Variants in PHF21B observed in about 807,000 individuals in gnomAD.
PHF21B encodes the protein PHD finger protein 21B, also known as PHD finger protein 4.
PHF21B carries 22 observed loss-of-function variants against 62.2 expected under a neutral mutation model. The observed-to-expected ratio is 0.35, with a 90% CI of 0.25 to 0.51. PHF21B has a LOEUF of 0.51. PHF21B is among the 20% of genes least tolerant of loss of function. PHF21B has a pLI of 0.97. For missense variants in PHF21B, 701 were observed against 707.9 expected (o/e 0.99, Z 0.11); for synonymous variants, 341 against 314.7 (o/e 1.08, Z -0.88).
chr22:44,993,415 C>G (rs1403245888), intron 2 of PHF21B, among the ~76,000 whole-genome samples: 1 of 152,220 alleles, frequency 6.6e-6, no homozygotes. Context: ...TCCACCACAG[C>G]GGCACCGGCT....
intron 2 of PHF21B, among the ~76,000 whole-genome samples, chr22:44,942,995 ACC>A (rs136699): frequency 0.053 from 7,464 of 140,438 alleles, 359 homozygotes; most frequent in African/African-American, 0.12. Context: ...GCAGGGAGGG[ACC>A]CCCCCCCCCC....
At chr22:44,900,583 G>A (rs1436939468) in intron 5 of PHF21B, among the ~76,000 whole-genome samples, 1 of 152,226 alleles carries the variant, frequency 6.6e-6, no homozygotes, top group Non-Finnish European at 1.5e-5. Flanking sequence ...TTACAGGCGT[G>A]AGCCACTGCA....
intron 2 of PHF21B, among the ~76,000 whole-genome samples, chr22:45,007,910 A>AG (rs953020385): frequency 1.8e-4 from 27 of 148,558 alleles, no homozygotes; most frequent in East Asian, 1.2e-3. Context: ...GGGGGCCCGG[A>AG]GGGGGGGGAG....
intron 2 of PHF21B, among the ~76,000 whole-genome samples, chr22:44,950,487 C>T (rs563201199): frequency 2.0e-4 from 30 of 152,314 alleles, no homozygotes; most frequent in South Asian, 6.2e-4. Flanking sequence ...TTTAGCAATG[C>T]GGTTAGACAC....
At chr22:44,901,015 A>G (rs1006301712) in intron 5 of PHF21B, among the ~76,000 whole-genome samples, 2 of 152,248 alleles carry the variant, frequency 1.3e-5, no homozygotes, top group African/African-American at 4.8e-5. Flanking sequence ...CATACCATGA[A>G]AAGTGGGGTC....
At chr22:44,938,138 G>C (rs555659149) in intron 2 of PHF21B, among the ~76,000 whole-genome samples, 6 of 152,214 alleles carry the variant, frequency 3.9e-5, no homozygotes, top group Non-Finnish European at 8.8e-5. Context: ...GTAGTACCTC[G>C]ATCTCGGCTC....
chr22:44,954,455 A>T (rs2072254725), intron 2 of PHF21B, among the ~76,000 whole-genome samples: 1 of 152,180 alleles, frequency 6.6e-6, no homozygotes, highest in Non-Finnish European at 1.5e-5. Flanking sequence ...AGCTACAGTG[A>T]ATGAAGAAAC....
At chr22:44,926,633 ATG>A (rs1245758296) in intron 2 of PHF21B, among the ~76,000 whole-genome samples, 1 of 152,168 alleles carries the variant, frequency 6.6e-6, no homozygotes, top group African/African-American at 2.4e-5. Flanking sequence ...GAGGACAGCC[ATG>A]TGTGTTTTCC....
At chr22:44,894,499 G>A (rs2071022679) in intron 6 of PHF21B, among the ~76,000 whole-genome samples, 1 of 152,140 alleles carries the variant, frequency 6.6e-6, no homozygotes, top group Non-Finnish European at 1.5e-5. Flanking sequence ...CTGCCTCTGT[G>A]GCACCGTGGT....
chr22:44,918,478 T>C (rs1250515511), intron 3 of PHF21B, among the ~76,000 whole-genome samples: 4 of 152,196 alleles, frequency 2.6e-5, no homozygotes, highest in African/African-American at 7.2e-5. Flanking sequence ...ATCATCTTTC[T>C]GCCTGTGCCT....
At chr22:44,991,135 C>T (rs942525315) in intron 2 of PHF21B, among the ~76,000 whole-genome samples, 2 of 152,228 alleles carry the variant, frequency 1.3e-5, no homozygotes, top group Admixed American at 6.5e-5. Context: ...TCCAGGTTAG[C>T]GCATCCTTCA....
At chr22:44,912,188 A>T (rs1024723394) in intron 5 of PHF21B, among the ~76,000 whole-genome samples, 1 of 152,232 alleles carries the variant, frequency 6.6e-6, no homozygotes, top group African/African-American at 2.4e-5. Flanking sequence ...CTTTGATTTT[A>T]CAGGCTCATA....
intron 8 of PHF21B, 49 bp downstream of exon 8, chr22:44,891,257 C>G: frequency 6.2e-7 from 1 of 1,601,760 alleles, no homozygotes; most frequent in Non-Finnish European, 8.5e-7. Flanking sequence ...AGGGATGACT[C>G]CCCGCGGCCC....
chr22:44,941,622 A>G (rs1454252520), intron 2 of PHF21B, among the ~76,000 whole-genome samples: 1 of 152,112 alleles, frequency 6.6e-6, no homozygotes, highest in Admixed American at 6.5e-5. Flanking sequence ...CCCACTTCCC[A>G]CGTTAGCAGG....
At chr22:44,918,723 G>C (rs1465505840) in intron 3 of PHF21B, among the ~76,000 whole-genome samples, 6 of 152,262 alleles carry the variant, frequency 3.9e-5, no homozygotes, top group Non-Finnish European at 7.3e-5. Context: ...GGCAGGTGCA[G>C]ACTTTTGTGG....
chr22:44,921,799 C>T (rs2071543193), intron 2 of PHF21B, among the ~76,000 whole-genome samples: 1 of 151,858 alleles, frequency 6.6e-6, no homozygotes, highest in Non-Finnish European at 1.5e-5. Flanking sequence ...GCTGGGATTA[C>T]AGGCGCCCGC....
intron 12 of PHF21B, among the ~76,000 whole-genome samples, chr22:44,885,064 G>C (rs949002226): frequency 1.3e-5 from 2 of 152,268 alleles, no homozygotes; most frequent in African/African-American, 4.8e-5. Context: ...ATAAATATTT[G>C]TTGAATGAGT....
chr22:44,982,394 G>A (rs979029287), intron 2 of PHF21B, among the ~76,000 whole-genome samples: 1 of 152,204 alleles, frequency 6.6e-6, no homozygotes, highest in African/African-American at 2.4e-5. Context: ...GTGCAACCCT[G>A]GGGAGCTGGC....
At chr22:44,940,436 C>T (rs538333519) in intron 2 of PHF21B, among the ~76,000 whole-genome samples, 1 of 152,352 alleles carries the variant, frequency 6.6e-6, no homozygotes, top group East Asian at 1.9e-4. Flanking sequence ...TGAGGCTTCA[C>T]CGCGCAGCGG....
Sources: allele counts gnomAD v4.1 joint callset (sites outside exome capture counted in the v4.1 genomes callset), GRCh38; gene constraint gnomAD v4.1.1; transcripts MANE v1.5; gene names NCBI Gene and HGNC (gene_info 2026-07-23, HGNC 2026-07-21).